Variants in SLC34A1 observed in about 807,000 individuals in gnomAD.
The protein encoded by SLC34A1 is solute carrier family 34 member 1.
In SLC34A1, 57 loss-of-function variants were observed where a neutral mutation model predicts 51.4. The observed-to-expected ratio is 1.11, with a 90% CI of 0.90 to 1.38. The LOEUF (loss-of-function observed/expected upper bound fraction) is 1.38. SLC34A1 is among the 40% of genes most tolerant of loss of function. SLC34A1 has a pLI of 0.00. For synonymous variants in SLC34A1, 368 were observed against 358.0 expected, an observed-to-expected ratio of 1.03 and a Z score of -0.32; for missense variants, 796 against 835.6, an observed-to-expected ratio of 0.95 and a Z score of 0.58.
At position 177,386,720 on chromosome 5, in the gene SLC34A1, G is replaced by A. The variant is rs982381754; in HGVS notation, c.532+154G>A. The stretch of plus-strand genomic sequence containing the variant: ...ACATGAGAGGAGCCCAACTGTAGCT[G>A]TATGTGACCCAGATGATTTATGGCA... On this transcript the variant is annotated intron_variant, in intron 5 of 12. Coordinates refer to ENST00000324417, the MANE Select transcript of SLC34A1 (RefSeq NM_003052.5). The surrounding 1 kb of genome is among the most constrained non-coding windows in gnomAD (Gnocchi z 4.8). Among the ~76,000 whole-genome samples the A allele has an allele frequency of 6.6e-6, 1 of 152,198 alleles. No individual in the cohort carries two copies. The highest frequency in any genetic ancestry group is 1.5e-5 in the Non-Finnish European group (1 of 68,040).
rs115129332 is a variant in SLC34A1 at position 177,384,841 on chromosome 5, G to A, written c.-48+354G>A. On this transcript the variant is annotated intron_variant, in intron 1 of 12. Transcript: ENST00000324417. ...TGTGCCACTGCACTCCAGCCTGGGC[G>A]GTAAGAGTGAAACTCCATCTCAAAA... Among the ~76,000 whole-genome samples, 930 of 150,554 alleles carry A rather than the reference G, an allele frequency of 6.2e-3. 8 individuals are homozygous for A. The highest frequency in any genetic ancestry group is 0.021 in the African/African-American group (865 of 40,660).
At position 177,396,728 on chromosome 5, in the gene SLC34A1, T is replaced by A. The variant is rs1762980382; in HGVS notation, c.1175-5T>A. 3.1e-6 allele frequency: 5 copies of A among 1,613,944 alleles called. No individual in the cohort carries two copies. Among genetic ancestry groups the A allele is most frequent in the Non-Finnish European group, 4.2e-6 (5 of 1,179,792 alleles). On this transcript the variant is annotated splice_region_variant and splice_polypyrimidine_tract_variant and intron_variant, in intron 10 of 12. Coordinates refer to ENST00000324417, the MANE Select transcript of SLC34A1 (RefSeq NM_003052.5). The surrounding 1 kb of genome is among the most constrained non-coding windows in gnomAD (Gnocchi z 4.0). ...CCAGCCTGCTGGGATGCGGTTTCCTTGCAGACTTCCCTGCCCCCTTCACCT... is the reference window on the plus strand; with the variant it reads ...CCAGCCTGCTGGGATGCGGTTTCCTAGCAGACTTCCCTGCCCCCTTCACCT...
At position 177,398,337 on chromosome 5, in the gene SLC34A1, G is replaced by A; in HGVS notation, c.*51G>A. ...AATGGGGAAGGCCTGGGGTGGAAAGGCAGGGGAGGGAGGGTGTGTGTAGGT... is the reference window on the plus strand; with the variant it reads ...AATGGGGAAGGCCTGGGGTGGAAAGACAGGGGAGGGAGGGTGTGTGTAGGT... On this transcript the variant is annotated 3_prime_UTR_variant, in exon 13 of 13. Coordinates refer to ENST00000324417, the MANE Select transcript of SLC34A1 (RefSeq NM_003052.5). This position sits in a 1 kb window ranked among gnomAD's most constrained non-coding sequence, Gnocchi z 4.7. 1 of 1,594,478 alleles carries A rather than the reference G, an allele frequency of 6.3e-7. No homozygotes were observed. The highest frequency in any genetic ancestry group is 8.5e-7 in the Non-Finnish European group (1 of 1,176,796).
rs144700897 is a variant in SLC34A1 at position 177,398,074 on chromosome 5, C to G, written c.1708C>G (p.Pro570Ala). 6 of 1,613,572 alleles carry G rather than the reference C, an allele frequency of 3.7e-6. No individual in the cohort carries two copies. The highest frequency in any genetic ancestry group is 5.1e-6 in the Non-Finnish European group (6 of 1,179,704). The change falls in exon 13 of 13, where the codon CCC (proline) becomes GCC (alanine). Residue 570 changes from proline (P) to alanine (A), a missense_variant. Coordinates refer to ENST00000324417, the MANE Select transcript of SLC34A1 (RefSeq NM_003052.5). The surrounding 1 kb of genome is among the most constrained non-coding windows in gnomAD (Gnocchi z 4.7). ...GCAGAGTCGGAGTCCCGGGCACCTG[C>G]CCAAGTGGTTACAGACATGGGACTT... ...VLQSRSPGHL[P>A]KWLQTWDFLP...
intron 8 of SLC34A1, among the ~76,000 whole-genome samples, chr5:177,389,356 T>C (rs1762719210): frequency 6.6e-6 from 1 of 150,938 alleles, no homozygotes; most frequent in Non-Finnish European, 1.5e-5. Context: ...GCCCTTCCCC[T>C]TCCCCTTCCC....
Position 177,397,921 on chromosome 5 carries a change from C to G in SLC34A1, c.1555C>G (p.Leu519Val). The change falls in exon 13 of 13, where the codon CTC becomes GTC. Residue 519 changes from leucine (L) to valine (V), a missense_variant. Leu to Val is a conservative substitution (Grantham distance 32). Coordinates refer to ENST00000324417, the MANE Select transcript of SLC34A1 (RefSeq NM_003052.5). ...AKYRWFAVLY[L>V]LVCFLLLPSL... is the part of the protein sequence containing the mutation. ...GTACCGCTGGTTTGCCGTCCTCTAT[C>G]TCCTTGTCTGCTTCCTGCTGCTGCC... 1 of 1,614,080 alleles carries G rather than the reference C, an allele frequency of 6.2e-7. No homozygotes were observed.
chr5:177,386,542 A>G lies in SLC34A1; in HGVS notation c.508A>G (p.Ile170Val), dbSNP rs200152945. Reference sequence around the variant, plus strand: ...GAGCTCCAGCACCTCCACATCCATCATCGTCAGCATGGTCTCCTCTGGCTG... The same window carrying G: ...GAGCTCCAGCACCTCCACATCCATCGTCGTCAGCATGGTCTCCTCTGGCTG... Reference protein sequence around the residue: ...VQSSSTSTSIIVSMVSSGLLE... With the variant: ...VQSSSTSTSIVVSMVSSGLLE... Residue 170 changes from isoleucine to valine, a missense_variant, in exon 5 of 13, where the codon ATC becomes GTC. Ile to Val is a conservative substitution (Grantham distance 29, BLOSUM62 3). Transcript: ENST00000324417. This position sits in a 1 kb window ranked among gnomAD's most constrained non-coding sequence, Gnocchi z 4.8. 1.2e-6 allele frequency: 2 copies of G among 1,613,966 alleles called. No homozygotes were observed. The highest frequency in any genetic ancestry group is 2.2e-5 in the East Asian group (1 of 44,876).
In SLC34A1 at chr5:177,397,866, G is replaced by A; in HGVS notation, c.1500G>A (p.Met500Ile). 6.2e-7 allele frequency: 1 copy of A among 1,613,846 alleles called. No individual in the cohort carries two copies. The highest frequency in any genetic ancestry group is 8.5e-7 in the Non-Finnish European group (1 of 1,180,026). Residue 500 changes from methionine (M) to isoleucine (I), a missense_variant, in exon 13 of 13, where the codon ATG (methionine) becomes ATA (isoleucine). Coordinates refer to ENST00000324417, the MANE Select transcript of SLC34A1 (RefSeq NM_003052.5). ...PVPCTRLPIR[M>I]AKALGKRTAK... is the part of the protein sequence containing the mutation. ...CCTGCACACGCCTGCCCATCCGCAT[G>A]GCCAAGGCGCTGGGGAAACGCACGG...
Position 177,397,809 on chromosome 5 carries a change from C to A in SLC34A1, c.1443C>A (p.Asn481Lys). ...FQIALCHFFF[N>K]ISGILLWYPV... ...TTGCCCTCTGTCACTTCTTCTTCAA[C>A]ATCTCGGGTATCCTTCTGTGGTACC... is the stretch of plus-strand genomic sequence containing the variant. Residue 481 changes from asparagine to lysine, a missense_variant, in exon 13 of 13, where the codon AAC becomes AAA. Physicochemically the swap from Asn to Lys is moderately conservative, Grantham distance 94. Transcript: ENST00000324417. The A allele has an allele frequency of 6.2e-7, 1 of 1,612,238 alleles. No homozygotes were observed. The highest frequency in any genetic ancestry group is 8.5e-7 in the Non-Finnish European group (1 of 1,180,012).
At chr5:177,389,694 T>A in intron 8 of SLC34A1, 2 of 1,537,266 alleles carry the variant, frequency 1.3e-6, no homozygotes, top group Non-Finnish European at 1.7e-6. Context: ...AAGCAAGCCA[T>A]GGAAGACAGC....
Position 177,396,955 on chromosome 5 carries a change from G to C in SLC34A1, c.1297G>C (p.Gly433Arg). 1 of 1,614,170 alleles carries C rather than the reference G, an allele frequency of 6.2e-7. No individual in the cohort carries two copies. Among genetic ancestry groups the C allele is most frequent in the Middle Eastern group, 1.6e-4 (1 of 6,062 alleles). The change falls in exon 12 of 13, where the codon GGT becomes CGT. Residue 433 changes from glycine to arginine, a missense_variant. By Grantham distance (125) the Gly-to-Arg change is moderately radical. Transcript: ENST00000324417. This position sits in a 1 kb window ranked among gnomAD's most constrained non-coding sequence, Gnocchi z 4.0. ...TSAITPLIGL[G>R]VISIERAYPL... ...TCCTCTCCCTCTGTCCCCAGGTCTT[G>C]GTGTGATCAGCATTGAGAGGGCCTA...
Position 177,388,167 on chromosome 5 carries a change from C to A in SLC34A1, c.818C>A (p.Pro273His), listed in dbSNP as rs1410020614. The change falls in exon 7 of 13, where the codon CCC becomes CAC. Residue 273 changes from proline to histidine, a missense_variant. By Grantham distance (77) the Pro-to-His change is moderately conservative. Coordinates refer to ENST00000324417, the MANE Select transcript of SLC34A1 (RefSeq NM_003052.5). The surrounding 1 kb of genome is among the most constrained non-coding windows in gnomAD (Gnocchi z 4.3). ...GACCTGCTCAAGATCATCACAGAGC[C>A]CTTCACGAAGCTCATCATCCAGGTG... ...APDLLKIITEPFTKLIIQLDE... is the reference protein window; with the variant it reads ...APDLLKIITEHFTKLIIQLDE... The A allele has an allele frequency of 6.2e-7, 1 of 1,614,000 alleles. No individual in the cohort carries two copies. Among genetic ancestry groups the A allele is most frequent in the African/African-American group, 1.3e-5 (1 of 74,900 alleles).
At position 177,388,223 on chromosome 5, in the gene SLC34A1, G is replaced by A. The variant is rs201827929; in HGVS notation, c.840+34G>A. On this transcript the variant is annotated intron_variant, in intron 7 of 12. Transcript: ENST00000324417. The surrounding 1 kb of genome is among the most constrained non-coding windows in gnomAD (Gnocchi z 4.3). Reference sequence around the variant, plus strand: ...AGGGCCTGGCATGGGGTGAGGGTGGGGGTAACAAGGGACCCAGCCTCCTTC... The same window carrying A: ...AGGGCCTGGCATGGGGTGAGGGTGGAGGTAACAAGGGACCCAGCCTCCTTC... 3.1e-6 allele frequency: 5 copies of A among 1,614,002 alleles called. No homozygotes were observed. In the African/African-American group the frequency reaches 6.7e-5, roughly 22 times the overall value.
rs376131751 is a variant in SLC34A1 at position 177,396,762 on chromosome 5, G to C, written c.1204G>C (p.Gly402Arg). 38 of 1,614,260 alleles carry C rather than the reference G, an allele frequency of 2.4e-5. No individual in the cohort carries two copies. In the African/African-American group the frequency reaches 4.8e-4, roughly 20 times the overall value. ...CCCTGCCCCCTTCACCTGGGTCACA[G>C]GCTACTTTGCCATGGTGGTGGGCGC... ...DFPAPFTWVT[G>R]YFAMVVGASM... The change falls in exon 11 of 13, where the codon GGC (glycine) becomes CGC (arginine). Residue 402 changes from glycine (G) to arginine (R), a missense_variant. By Grantham distance (125) the Gly-to-Arg change is moderately radical (BLOSUM62 -2). Coordinates refer to ENST00000324417, the MANE Select transcript of SLC34A1 (RefSeq NM_003052.5). The surrounding 1 kb of genome is among the most constrained non-coding windows in gnomAD (Gnocchi z 4.0).
At chr5:177,391,858 G>A (rs1762814593) in intron 8 of SLC34A1, among the ~76,000 whole-genome samples, 1 of 152,204 alleles carries the variant, frequency 6.6e-6, no homozygotes, top group African/African-American at 2.4e-5. Context: ...GGCTCTGAGA[G>A]GTGGCATGGC....
chr5:177,388,202 C>G lies in SLC34A1; in HGVS notation c.840+13C>G. 6.2e-7 allele frequency: 1 copy of G among 1,614,054 alleles called. No homozygotes were observed. The highest frequency in any genetic ancestry group is 8.5e-7 in the Non-Finnish European group (1 of 1,180,004). The stretch of plus-strand genomic sequence containing the variant: ...GCTCATCATCCAGGTGACAGCAGGG[C>G]CTGGCATGGGGTGAGGGTGGGGGTA... On this transcript the variant is annotated intron_variant, in intron 7 of 12. Coordinates refer to ENST00000324417, the MANE Select transcript of SLC34A1 (RefSeq NM_003052.5). The surrounding 1 kb of genome is among the most constrained non-coding windows in gnomAD (Gnocchi z 4.3).
In SLC34A1 at chr5:177,394,036, A is replaced by G; in HGVS notation, c.1015A>G (p.Ile339Val). 1 of 1,614,018 alleles carries G rather than the reference A, an allele frequency of 6.2e-7. No homozygotes were observed. Among genetic ancestry groups the G allele is most frequent in the Non-Finnish European group, 8.5e-7 (1 of 1,180,020 alleles). ...GNATMEKCNHIFVDTGLPDLA... is the reference protein window; with the variant it reads ...GNATMEKCNHVFVDTGLPDLA... ...AGCTCCACCCCCTGCAGGCAACCAC[A>G]TCTTTGTGGACACTGGCCTACCGGA... is the stretch of plus-strand genomic sequence containing the variant. Residue 339 changes from isoleucine (I) to valine (V), a missense_variant, in exon 10 of 13, where the codon ATC becomes GTC. By Grantham distance (29) the Ile-to-Val change is conservative. Coordinates refer to ENST00000324417, the MANE Select transcript of SLC34A1 (RefSeq NM_003052.5).
Position 177,387,783 on chromosome 5 carries a change from TC to T in SLC34A1, c.558del (p.Ile187SerfsTer18). ...SSGLLEVSSA[I>X]PIIMGSNIGT... is the part of the protein sequence containing the mutation. ...CCAGTGCTGGAGGTGAGCTCTGCCA[TC>T]CCCATCATCATGGGCTCCAACATCG... is the stretch of plus-strand genomic sequence containing the variant. On this transcript the variant is annotated frameshift_variant, in exon 6 of 13. Transcript: ENST00000324417. LOFTEE classifies it high-confidence loss of function. The T allele has an allele frequency of 6.2e-7, 1 of 1,610,886 alleles. No individual in the cohort carries two copies. The highest frequency in any genetic ancestry group is 1.1e-5 in the South Asian group (1 of 90,992).
rs200327976 is a variant in SLC34A1 at position 177,386,096 on chromosome 5, A to T, written c.219A>T (p.Pro73=). 1 of 1,613,236 alleles carries T rather than the reference A, an allele frequency of 6.2e-7. No individual in the cohort carries two copies. The highest frequency in any genetic ancestry group is 2.2e-5 in the East Asian group (1 of 44,850). Residue 73 remains proline, a synonymous_variant, in exon 3 of 13, where the codon CCA becomes CCT. Transcript: ENST00000324417. This position sits in a 1 kb window ranked among gnomAD's most constrained non-coding sequence, Gnocchi z 4.8. ...PCGEVLERHE[P]LPAKLALEEE... ...GGGAGGTCCTGGAGCGCCATGAACC[A>T]CTGCCTGCCAAGCTGGCCCTGGAGG...
Sources: gnomAD v4.1 joint callset for allele counts (sites outside exome capture counted in the v4.1 genomes callset) on GRCh38, gnomAD v4.1.1 for gene constraint, Gnocchi (gnomAD v3.1) non-coding constraint, MANE v1.5 for transcripts, NCBI Gene and HGNC (gene_info 2026-07-23, HGNC 2026-07-21) for gene names.